The following AK8 variants were observed in gnomAD, a reference collection of about 807,000 sequenced individuals.
AK8 encodes the protein ATP-AMP transphosphorylase 8.
AK8 carries 44 observed loss-of-function variants against 54.6 expected under a neutral mutation model. That is an observed-to-expected ratio of 0.81 (90% CI 0.63 to 1.04). The LOEUF (loss-of-function observed/expected upper bound fraction) is 1.04, where lower values mean the gene tolerates loss of function less well. Among genes scored for constraint, AK8 ranks in the 50% least tolerant of loss-of-function variants. The pLI is 0.00. For missense variants in AK8, 555 were observed against 613.6 expected (o/e 0.90, Z 1.01); for synonymous variants, 239 against 245.6 (o/e 0.97, Z 0.25).
intron 11 of AK8, among the ~76,000 whole-genome samples, chr9:132,773,242 A>G (rs1419195161): frequency 6.6e-6 from 1 of 151,980 alleles, no homozygotes; most frequent in Non-Finnish European, 1.5e-5. Context: ...ACTCTTCCCT[A>G]CATCTGTCCA....
intron 10 of AK8, among the ~76,000 whole-genome samples, chr9:132,797,864 G>A (rs1013668768): frequency 1.3e-5 from 2 of 152,218 alleles, no homozygotes; most frequent in South Asian, 2.1e-4. Context: ...GCCTCCAGCC[G>A]TCCTGTAACT....
At chr9:132,776,314 G>A (rs930384692) in intron 11 of AK8, among the ~76,000 whole-genome samples, 14 of 152,168 alleles carry the variant, frequency 9.2e-5, no homozygotes, top group African/African-American at 2.9e-4. Context: ...CCCAGCCACC[G>A]CCTCCCTTCT....
intron 5 of AK8, among the ~76,000 whole-genome samples, chr9:132,839,822 G>GGT (rs1554801256): frequency 7.0e-6 from 1 of 143,402 alleles, no homozygotes; most frequent in Non-Finnish European, 1.5e-5. Context: ...TTTTTTGCCG[G>GGT]GGGGGGGGGC....
intron 11 of AK8, among the ~76,000 whole-genome samples, chr9:132,782,019 T>C (rs1006207523): frequency 2.0e-5 from 3 of 152,194 alleles, no homozygotes; most frequent in Admixed American, 1.3e-4. Flanking sequence ...TAAATCTACA[T>C]TGTAAATCAA....
At chr9:132,846,438 T>C (rs1609595) in intron 5 of AK8, among the ~76,000 whole-genome samples, 14,670 of 152,266 alleles carry the variant, frequency 0.096, 904 homozygotes, top group African/African-American at 0.15. Context: ...GAGCAAGACG[T>C]TTAACTCTCT....
chr9:132,864,043 C>T (rs1017014463), intron 3 of AK8, among the ~76,000 whole-genome samples: 1 of 152,230 alleles, frequency 6.6e-6, no homozygotes, highest in Non-Finnish European at 1.5e-5. Flanking sequence ...TACATTTTAG[C>T]TGCCCTTGGC....
rs1050550588 is a variant in AK8, at chr9:132,781,938, A to G, written c.1121+10696T>C. Among the ~76,000 whole-genome samples the G allele has an allele frequency of 6.6e-6, 1 of 152,260 alleles. No individual in the cohort carries two copies. Among genetic ancestry groups the G allele is most frequent in the Non-Finnish European group, 1.5e-5 (1 of 68,044 alleles). ...CTAAGGTGCTGGAGATGGAAGAGAC[A>G]GAGATGAGAAAGGAGGAAGGAAAAT... is the stretch of plus-strand genomic sequence containing the variant. On this transcript the variant is annotated intron_variant, in intron 11 of 12. Transcript: ENST00000298545. The surrounding 1 kb of genome is among the most constrained non-coding windows in gnomAD (Gnocchi z 4.6).
At chr9:132,764,738 A>T (rs1315832988) in intron 11 of AK8, among the ~76,000 whole-genome samples, 1 of 152,236 alleles carries the variant, frequency 6.6e-6, no homozygotes, top group Non-Finnish European at 1.5e-5. Flanking sequence ...CAGACATTTA[A>T]AGAAGAGCTA....
intron 4 of AK8, among the ~76,000 whole-genome samples, chr9:132,859,260 GTT>G (rs1025988509): frequency 6.6e-6 from 1 of 151,710 alleles, no homozygotes; most frequent in Admixed American, 6.6e-5. Flanking sequence ...GGCTCACGTT[GTT>G]TTTTTTCTTT....
chr9:132,760,940 A>G lies in AK8; in HGVS notation c.1121+31694T>C, dbSNP rs774647434. Among the ~76,000 whole-genome samples the G allele has an allele frequency of 7.9e-5, 12 of 152,240 alleles. No individual in the cohort carries two copies. The South Asian group carries it at 2.1e-3, about 26-fold the overall frequency. ...ACACAATTGGATTGGATTTGCTAATATTTTGTTTAGGATTGTGGCAACTAT... is the reference window on the plus strand; with the variant it reads ...ACACAATTGGATTGGATTTGCTAATGTTTTGTTTAGGATTGTGGCAACTAT... On this transcript the variant is annotated intron_variant, in intron 11 of 12. Coordinates refer to ENST00000298545, the MANE Select transcript of AK8 (RefSeq NM_152572.3).
intron 11 of AK8, among the ~76,000 whole-genome samples, chr9:132,746,635 A>G (rs965143688): frequency 2.0e-5 from 3 of 152,228 alleles, no homozygotes; most frequent in African/African-American, 7.2e-5. Flanking sequence ...ACAAACGCAC[A>G]TGACAGTCGG....
chr9:132,731,764 T>C (rs1026983335), intron 11 of AK8, among the ~76,000 whole-genome samples: 19 of 152,128 alleles, frequency 1.2e-4, no homozygotes, highest in African/African-American at 4.3e-4. Flanking sequence ...CCCATCTGGG[T>C]TTTTGGTCAA....
intron 10 of AK8, among the ~76,000 whole-genome samples, chr9:132,801,180 G>A (rs1179400161): frequency 3.9e-5 from 6 of 151,938 alleles, no homozygotes; most frequent in Non-Finnish European, 5.9e-5. Flanking sequence ...TGCCTGCCTC[G>A]GCCTCCCAAA....
chr9:132,754,242 A>G (rs1838083653), intron 11 of AK8, among the ~76,000 whole-genome samples: 1 of 152,202 alleles, frequency 6.6e-6, no homozygotes, highest in Non-Finnish European at 1.5e-5. Context: ...CCTCCGCCAC[A>G]AGCAAGCACA....
At chr9:132,864,930 G>A (rs1412207337) in intron 3 of AK8, among the ~76,000 whole-genome samples, 1 of 152,198 alleles carries the variant, frequency 6.6e-6, no homozygotes, top group Non-Finnish European at 1.5e-5. Flanking sequence ...CGAGTTCAAC[G>A]AGCTTGTCTG....
chr9:132,841,511 G>A (rs959436711), intron 5 of AK8, among the ~76,000 whole-genome samples: 1 of 152,162 alleles, frequency 6.6e-6, no homozygotes, highest in Non-Finnish European at 1.5e-5. Flanking sequence ...GTCTGGTGCT[G>A]GTGACATAAA....
At chr9:132,736,703 T>C (rs1019033282) in intron 11 of AK8, among the ~76,000 whole-genome samples, 2 of 146,566 alleles carry the variant, frequency 1.4e-5, no homozygotes, top group East Asian at 2.0e-4. Context: ...GAGAATGGCG[T>C]GAACCCGGGA....
intron 11 of AK8, among the ~76,000 whole-genome samples, chr9:132,736,133 C>T (rs1300063248): frequency 6.6e-6 from 1 of 150,698 alleles, no homozygotes; most frequent in Non-Finnish European, 1.5e-5. Context: ...TGTCATTGAC[C>T]AAAATGTCGT....
At chr9:132,827,700 G>A (rs1283295635) in intron 7 of AK8, 1 of 381,178 alleles carries the variant, frequency 2.6e-6, no homozygotes, top group Non-Finnish European at 4.8e-6. Context: ...ATTTGTCCCA[G>A]GGAGAGGCAG....
Sources: allele counts gnomAD v4.1 joint callset (sites outside exome capture counted in the v4.1 genomes callset), GRCh38; gene constraint gnomAD v4.1.1; non-coding constraint Gnocchi (gnomAD v3.1); transcripts MANE v1.5; gene names NCBI Gene and HGNC (gene_info 2026-07-23, HGNC 2026-07-21).